IRAG1: variants seen among roughly 807,000 people sequenced by gnomAD.
IRAG1 encodes the protein IP3R-associated cGMP kinase substrate.
Under a neutral mutation model 106.2 loss-of-function variants are expected in IRAG1, and 62 were observed. That is an observed-to-expected ratio of 0.58 (90% CI 0.48 to 0.72). The LOEUF is 0.72. Ranked by LOEUF, IRAG1 falls within the 30% of genes least tolerant of loss-of-function variation. The probability of loss-of-function intolerance (pLI) is 0.00; values close to 1 mark genes in which losing one functional copy is unlikely to be tolerated. For synonymous variants in IRAG1, 462 were observed against 443.9 expected (o/e 1.04, Z -0.51); for missense variants, 1,064 against 1,140.7 (o/e 0.93, Z 0.97).
intron 2 of IRAG1, among the ~76,000 whole-genome samples, chr11:10,651,560 TCTG>T (rs1858508273): frequency 6.6e-6 from 1 of 152,258 alleles, no homozygotes; most frequent in Non-Finnish European, 1.5e-5. Flanking sequence ...TTTAAATTAA[TCTG>T]CTTTCATCAT....
chr11:10,606,933 G>A lies in IRAG1; in HGVS notation c.1572-161C>T, dbSNP rs114310082. On this transcript the variant is annotated intron_variant, in intron 11 of 20. Transcript: ENST00000423302. ...TCCCCTTGCCTGTGCTCTGTCACCTGTGAGATACTGACTCTTACGGCACCA... is the reference window on the plus strand; with the variant it reads ...TCCCCTTGCCTGTGCTCTGTCACCTATGAGATACTGACTCTTACGGCACCA... 6.7e-3 allele frequency among the ~76,000 whole-genome samples: 1,026 copies of A among 152,276 alleles called. 11 individuals are homozygous for A. The highest frequency in any genetic ancestry group is 0.023 in the African/African-American group (965 of 41,546).
chr11:10,653,934 C>T (rs904490640), intron 1 of IRAG1, among the ~76,000 whole-genome samples: 1 of 152,128 alleles, frequency 6.6e-6, no homozygotes, highest in African/African-American at 2.4e-5. Context: ...AGGAGCTGCT[C>T]CACTGCACAG....
At chr11:10,650,928 T>A (rs576420442) in intron 2 of IRAG1, among the ~76,000 whole-genome samples, 1 of 152,168 alleles carries the variant, frequency 6.6e-6, no homozygotes, top group Non-Finnish European at 1.5e-5. Context: ...GTTCCCAGAG[T>A]CGTAATGTGT....
intron 10 of IRAG1, among the ~76,000 whole-genome samples, chr11:10,616,183 T>C (rs1288961699): frequency 1.3e-5 from 2 of 150,588 alleles, no homozygotes; most frequent in South Asian, 4.2e-4. Context: ...CGAGCGCCTG[T>C]AGTCCCGGCC....
chr11:10,643,945 C>G (rs1289467981), intron 2 of IRAG1, among the ~76,000 whole-genome samples: 2 of 152,266 alleles, frequency 1.3e-5, no homozygotes, highest in Non-Finnish European at 2.9e-5. Flanking sequence ...TTCCGACTGT[C>G]TGTAACCGTC....
intron 1 of IRAG1, among the ~76,000 whole-genome samples, chr11:10,664,698 T>G (rs549767532): frequency 1.3e-5 from 2 of 152,328 alleles, no homozygotes; most frequent in Admixed American, 1.3e-4. Context: ...AGTGATTGGC[T>G]GGAGGGTGAG....
At chr11:10,608,841 A>G (rs1854698936) in intron 11 of IRAG1, among the ~76,000 whole-genome samples, 1 of 152,180 alleles carries the variant, frequency 6.6e-6, no homozygotes, top group African/African-American at 2.4e-5. Context: ...TTGAGGAAGT[A>G]CTATTTATTT....
At chr11:10,609,644 C>G (rs1325414383) in intron 11 of IRAG1, 84 bp downstream of exon 11, 1 of 1,474,606 alleles carries the variant, frequency 6.8e-7, no homozygotes, top group Non-Finnish European at 9.2e-7. Context: ...AGAATTAAGA[C>G]TGGTGTTCCT....
In IRAG1 at chr11:10,657,006, C is replaced by T. The variant is rs1211089733; in HGVS notation, c.68-4824G>A. On this transcript the variant is annotated intron_variant, in intron 1 of 20. Coordinates refer to ENST00000423302, the MANE Select transcript of IRAG1 (RefSeq NM_130385.4). The surrounding 1 kb of genome is among the most constrained non-coding windows in gnomAD (Gnocchi z 4.1). ...CTTATGAGGGCTAAAGAGTGGCCTA[C>T]AGTTGAGCCTGCATGTCCTCTGGTA... is the stretch of plus-strand genomic sequence containing the variant. 6.6e-6 allele frequency among the ~76,000 whole-genome samples: 1 copy of T among 152,144 alleles called. No individual in the cohort carries two copies. The highest frequency in any genetic ancestry group is 1.5e-5 in the Non-Finnish European group (1 of 68,026).
Position 10,593,615 on chromosome 11 carries a change from T to C in IRAG1, c.2068-16A>G. 2 of 1,594,580 alleles carry C rather than the reference T, an allele frequency of 1.3e-6. No homozygotes were observed. Among genetic ancestry groups the C allele is most frequent in the Non-Finnish European group, 8.6e-7 (1 of 1,162,610 alleles). ...GAGGCATATTCTGCAGGAAGAGAAGTGACCAGGCTCACTGTCTTGGAGGTA... is the reference window on the plus strand; with the variant it reads ...GAGGCATATTCTGCAGGAAGAGAAGCGACCAGGCTCACTGTCTTGGAGGTA... On this transcript the variant is annotated splice_polypyrimidine_tract_variant and intron_variant, in intron 16 of 20. Coordinates refer to ENST00000423302, the MANE Select transcript of IRAG1 (RefSeq NM_130385.4).
chr11:10,693,403 A>G, intron 1 of IRAG1, 133 bp downstream of exon 1: 1 of 1,446,090 alleles, frequency 6.9e-7, no homozygotes, highest in Non-Finnish European at 9.0e-7. Context: ...AATGCCACCC[A>G]ACAAAGCCAG....
chr11:10,640,782 G>A (rs1376060191), intron 2 of IRAG1, among the ~76,000 whole-genome samples: 1 of 152,252 alleles, frequency 6.6e-6, no homozygotes, highest in East Asian at 1.9e-4. Context: ...GGGGCTTCAG[G>A]GCCTCAGGCT....
At position 10,576,619 on chromosome 11, in the gene IRAG1, A is replaced by G. The variant is rs78250173; in HGVS notation, c.2496-44T>C. On this transcript the variant is annotated intron_variant, in intron 20 of 20. Coordinates refer to ENST00000423302, the MANE Select transcript of IRAG1 (RefSeq NM_130385.4). ...ATGCAGAGGCTTTAGTATACTGGGC[A>G]CACATATGATACACAGACCCACAGT... 8 of 1,610,030 alleles carry G rather than the reference A, an allele frequency of 5.0e-6. No homozygotes were observed. In the East Asian group the frequency reaches 1.6e-4, roughly 31 times the overall value.
chr11:10,576,173 G>T lies in IRAG1; in HGVS notation c.*159C>A. ...CCAAGAACATCAAGTCACTGTGTAT[G>T]AATAGCTCCCACAGAAGTGCCGAGT... is the stretch of plus-strand genomic sequence containing the variant. On this transcript the variant is annotated 3_prime_UTR_variant, in exon 21 of 21. Transcript: ENST00000423302. 1 of 901,548 alleles carries T rather than the reference G, an allele frequency of 1.1e-6. No individual in the cohort carries two copies. Among genetic ancestry groups the T allele is most frequent in the Non-Finnish European group, 1.7e-6 (1 of 604,954 alleles). The allele number at this position is 901,548 out of a possible 1,614,324, so 55.8% of individuals were successfully genotyped here.
In IRAG1 at chr11:10,597,069, T is replaced by C. The variant is rs1853398194; in HGVS notation, c.2018-2874A>G. On this transcript the variant is annotated intron_variant, in intron 15 of 20. Transcript: ENST00000423302. ...TAGAGGCCTAGGTTCAGATGTGACATGTCCTTCTACTCATATTTCATTCAC... is the reference window on the plus strand; with the variant it reads ...TAGAGGCCTAGGTTCAGATGTGACACGTCCTTCTACTCATATTTCATTCAC... 1.3e-5 allele frequency among the ~76,000 whole-genome samples: 2 copies of C among 152,352 alleles called. 1 individual carries two copies. Among genetic ancestry groups the C allele is most frequent in the South Asian group, 4.1e-4 (2 of 4,830 alleles).
intron 15 of IRAG1, among the ~76,000 whole-genome samples, chr11:10,596,622 A>G (rs1853342349): frequency 6.6e-6 from 1 of 152,182 alleles, no homozygotes; most frequent in African/African-American, 2.4e-5. Flanking sequence ...GGCCTAATAA[A>G]TGTATTTGGG....
At chr11:10,617,149 A>C in intron 10 of IRAG1, 2 of 985,422 alleles carry the variant, frequency 2.0e-6, no homozygotes, top group Non-Finnish European at 2.4e-6. Flanking sequence ...GCCTCAGCCT[A>C]CGTGTCCCTC....
At chr11:10,658,049 C>T (rs929765203) in intron 1 of IRAG1, among the ~76,000 whole-genome samples, 9 of 152,240 alleles carry the variant, frequency 5.9e-5, no homozygotes, top group African/African-American at 1.9e-4. Flanking sequence ...CGTCCTTCGG[C>T]AGTGACTCGT....
intron 1 of IRAG1, among the ~76,000 whole-genome samples, chr11:10,690,918 G>A (rs1380017941): frequency 6.6e-6 from 1 of 152,166 alleles, no homozygotes; most frequent in African/African-American, 2.4e-5. Flanking sequence ...AGCTCCCCAA[G>A]GGGCAGGGGC....
Sources: allele counts gnomAD v4.1 joint callset (sites outside exome capture counted in the v4.1 genomes callset), GRCh38; gene constraint gnomAD v4.1.1; non-coding constraint Gnocchi (gnomAD v3.1); transcripts MANE v1.5; gene names NCBI Gene and HGNC (gene_info 2026-07-23, HGNC 2026-07-21).